The following SELP variants were observed in gnomAD, a reference collection of about 807,000 sequenced individuals.
The protein encoded by SELP is P-selectin.
SELP carries 92 observed loss-of-function variants against 104.1 expected under a neutral mutation model. The ratio of observed to expected loss-of-function variants is 0.88; its 90% confidence interval spans 0.75 to 1.05. The LOEUF is 1.05. Ranked by LOEUF, SELP falls within the 50% of genes least tolerant of loss-of-function variation. The pLI is 0.00. For synonymous variants in SELP, 397 were observed against 364.5 expected (o/e 1.09, Z -1.01); for missense variants, 1,022 against 1,017.3 (o/e 1.00, Z -0.06).
intron 1 of SELP, among the ~76,000 whole-genome samples, chr1:169,624,601 T>C (rs1289018498): frequency 2.0e-5 from 3 of 151,992 alleles, no homozygotes; most frequent in Non-Finnish European, 4.4e-5. Context: ...ATGCAAAAAT[T>C]AGCCAGGCAT....
chr1:169,595,288 A>T (rs1386309079), intron 12 of SELP, among the ~76,000 whole-genome samples: 1 of 152,224 alleles, frequency 6.6e-6, no homozygotes, highest in African/African-American at 2.4e-5. Flanking sequence ...GGACACTGGA[A>T]GTTTGAAAGA....
chr1:169,617,181 G>C lies in SELP; in HGVS notation c.328C>G (p.Leu110Val). Residue 110 changes from leucine (L) to valine (V), a missense_variant, in exon 3 of 17, where the codon CTC becomes GTC. Physicochemically the swap from Leu to Val is conservative, Grantham distance 32 (BLOSUM62 1). Transcript: ENST00000263686. ...TWTWVGTKKA[L>V]TNEAENWADN... The stretch of plus-strand genomic sequence containing the variant: ...GCCCAGTTCTCAGCCTCGTTGGTGA[G>C]AGCCTTTTTGGTTCCCACCCATGTC... 4.3e-6 allele frequency: 7 copies of C among 1,614,128 alleles called. No individual in the cohort carries two copies. The highest frequency in any genetic ancestry group is 5.9e-6 in the Non-Finnish European group (7 of 1,180,036).
chr1:169,614,760 G>T (rs1373194661), intron 3 of SELP, among the ~76,000 whole-genome samples: 1 of 152,126 alleles, frequency 6.6e-6, no homozygotes, highest in Non-Finnish European at 1.5e-5. Flanking sequence ...AAGTTCCTGT[G>T]GCAGCCAGTG....
intron 5 of SELP, 26 bp downstream of exon 5, chr1:169,612,903 G>T: frequency 6.5e-7 from 1 of 1,530,224 alleles, no homozygotes; most frequent in South Asian, 1.3e-5. Flanking sequence ...ATGTCAGTGA[G>T]GATGAAAAGA....
intron 6 of SELP, 81 bp from the exon 7 acceptor site, chr1:169,611,758 CT>C (rs1454366139): frequency 7.3e-7 from 1 of 1,375,474 alleles, no homozygotes; most frequent in Non-Finnish European, 1.0e-6. Context: ...GGAACCACCT[CT>C]GAAATGCAGG....
chr1:169,597,344 C>A (rs1661681152), intron 10 of SELP, among the ~76,000 whole-genome samples, 168 bp from the exon 11 acceptor site: 1 of 152,130 alleles, frequency 6.6e-6, no homozygotes, highest in South Asian at 2.1e-4. Flanking sequence ...TCATTTGCTG[C>A]AAAGGGCAGT....
chr1:169,617,457 A>T, intron 2 of SELP, 43 bp from the exon 3 acceptor site: 1 of 1,577,422 alleles, frequency 6.3e-7, no homozygotes, highest in Non-Finnish European at 8.6e-7. Context: ...ACCCCTCACC[A>T]AAAAAGAGGC....
Position 169,612,100 on chromosome 1 carries a change from G to A in SELP, c.961+117C>T. The stretch of plus-strand genomic sequence containing the variant: ...AATCTAGCTGAATGGCAGGTAGGAA[G>A]AGAATTAAATTTTGGCAATTCAGGC... On this transcript the variant is annotated intron_variant, in intron 6 of 16. Coordinates refer to ENST00000263686, the MANE Select transcript of SELP (RefSeq NM_003005.4). The A allele has an allele frequency of 4.1e-6, 4 of 986,318 alleles. No individual in the cohort carries two copies. The Admixed American group carries it at 7.0e-5, about 17-fold the overall frequency. 61.1% of individuals were successfully genotyped at this position (986,318 alleles called of 1,614,324 possible).
intron 1 of SELP, among the ~76,000 whole-genome samples, chr1:169,624,580 C>A (rs1366326278): frequency 2.0e-5 from 3 of 152,082 alleles, no homozygotes; most frequent in Non-Finnish European, 4.4e-5. Flanking sequence ...AAAACCTCGT[C>A]TCTACTAAAA....
At chr1:169,609,056 A>G (rs1335979806) in intron 8 of SELP, among the ~76,000 whole-genome samples, 1 of 152,132 alleles carries the variant, frequency 6.6e-6, no homozygotes, top group Non-Finnish European at 1.5e-5. Flanking sequence ...TACACACATT[A>G]ATTCACAACT....
intron 1 of SELP, among the ~76,000 whole-genome samples, chr1:169,622,787 T>C (rs1234384657): frequency 6.6e-6 from 1 of 152,212 alleles, no homozygotes; most frequent in Admixed American, 6.5e-5. Context: ...TTAAAATGTG[T>C]AATCTTAGGC....
chr1:169,616,285 A>G (rs1662806266), intron 3 of SELP, among the ~76,000 whole-genome samples: 2 of 152,220 alleles, frequency 1.3e-5, no homozygotes, highest in African/African-American at 2.4e-5. Flanking sequence ...CCTTGGTTAT[A>G]TTCTCAAATT....
rs368428839 is a variant in SELP at position 169,617,202 on chromosome 1, A to G, written c.307T>C (p.Trp103Arg). Reference protein sequence around the residue: ...GIRKNNKTWTWVGTKKALTNE... With the variant: ...GIRKNNKTWTRVGTKKALTNE... ...GTGAGAGCCTTTTTGGTTCCCACCC[A>G]TGTCCATGTCTTATTGTTCTTTCGG... The change falls in exon 3 of 17, where the codon TGG (tryptophan) becomes CGG (arginine). Residue 103 changes from tryptophan to arginine, a missense_variant. By Grantham distance (101) the Trp-to-Arg change is moderately radical (BLOSUM62 -3). Transcript: ENST00000263686. The G allele has an allele frequency of 8.9e-5, 144 of 1,614,036 alleles. No individual in the cohort carries two copies. Among genetic ancestry groups the G allele is most frequent in the Non-Finnish European group, 1.1e-4 (128 of 1,180,032 alleles).
chr1:169,611,667 A>T lies in SELP; in HGVS notation c.972T>A (p.Cys324Ter). ...CTTCACTGGGGGCTTCCAGGTGCTG[A>T]CACTGCACAGCTGGAGAGAATAACC... ...APAPVCKAVQCQHLEAPSEGT... is the reference protein window; with the variant it reads ...APAPVCKAVQ Residue 324 changes from cysteine (C) to a stop codon, truncating the protein, a stop_gained, in exon 7 of 17, where the codon TGT (cysteine) becomes TGA (stop). Coordinates refer to ENST00000263686, the MANE Select transcript of SELP (RefSeq NM_003005.4). LOFTEE classifies it high-confidence loss of function. The T allele has an allele frequency of 6.2e-7, 1 of 1,614,006 alleles. No homozygotes were observed. The highest frequency in any genetic ancestry group is 8.5e-7 in the Non-Finnish European group (1 of 1,179,950).
At chr1:169,613,259 T>C in intron 4 of SELP, 145 bp from the exon 5 acceptor site, 1 of 756,884 alleles carries the variant, frequency 1.3e-6, no homozygotes, top group Non-Finnish European at 2.0e-6. Context: ...CTACTTGGTC[T>C]CTTTGTATTG....
chr1:169,595,839 G>T, intron 12 of SELP, 86 bp downstream of exon 12: 1 of 1,195,274 alleles, frequency 8.4e-7, no homozygotes, highest in Non-Finnish European at 1.2e-6. Context: ...TTGTGGTTGG[G>T]TGAGACTTCA....
chr1:169,601,323 G>A (rs1391237243), intron 10 of SELP, among the ~76,000 whole-genome samples: 2 of 152,102 alleles, frequency 1.3e-5, no homozygotes, highest in Admixed American at 6.6e-5. Flanking sequence ...CCAGGGAAGC[G>A]ACCTCAAAGA....
intron 1 of SELP, among the ~76,000 whole-genome samples, 168 bp from the exon 2 acceptor site, chr1:169,619,387 G>T (rs2101919534): frequency 6.6e-6 from 1 of 152,302 alleles, no homozygotes; most frequent in African/African-American, 2.4e-5. Flanking sequence ...CTGCTTCTAA[G>T]TTCTACCCTG....
chr1:169,610,779 AAAACAAACAAACAAAC>A lies in SELP; in HGVS notation c.1147+697_1147+712del, dbSNP rs76632064. Among the ~76,000 whole-genome samples, 31 of 151,110 alleles carry A rather than the reference AAAACAAACAAACAAAC, an allele frequency of 2.1e-4. No individual in the cohort carries two copies. The East Asian group carries it at 2.2e-3, about 10-fold the overall frequency. ...GGGCGACAGAGTGAGACTCTGTCTC[AAAACAAACAAACAAAC>A]AAACAAACAAACAAACAAACAAAAA... On this transcript the variant is annotated intron_variant, in intron 7 of 16. Transcript: ENST00000263686.
Sources: allele counts gnomAD v4.1 joint callset (sites outside exome capture counted in the v4.1 genomes callset), GRCh38; gene constraint gnomAD v4.1.1; transcripts MANE v1.5; gene names NCBI Gene and HGNC (gene_info 2026-07-23, HGNC 2026-07-21).